The following MYL10 variants were observed in gnomAD, a reference collection of about 807,000 sequenced individuals.
MYL10 encodes the protein myosin light chain 10.
In MYL10, 18 loss-of-function variants were observed where a neutral mutation model predicts 21.9. That is an observed-to-expected ratio of 0.82 (90% CI 0.57 to 1.22). MYL10 has a LOEUF of 1.22. Ranked by LOEUF, MYL10 falls within the 50% of genes most tolerant of loss-of-function variation. The probability of loss-of-function intolerance (pLI) is 0.00; values close to 1 mark genes in which losing one functional copy is unlikely to be tolerated. For synonymous variants in MYL10, 88 were observed against 82.8 expected, an observed-to-expected ratio of 1.06 and a Z score of -0.34; for missense variants, 225 against 230.4, an observed-to-expected ratio of 0.98 and a Z score of 0.15.
rs755795349 is a variant in MYL10 at position 101,624,184 on chromosome 7, C to T, written c.159G>A (p.Gln53=). ...GCAGCAGACCAACCTCTTTAAACTC[C>T]TGGATCTGGGACTGATCAAACATGG... is the stretch of plus-strand genomic sequence containing the variant. The part of the protein sequence containing the change: ...VFSMFDQSQI[Q]EFKESLALSP... The change falls in exon 2 of 8, where the codon CAG becomes CAA. Residue 53 remains glutamine, a synonymous_variant. Transcript: ENST00000223167. 17 of 1,611,636 alleles carry T rather than the reference C, an allele frequency of 1.1e-5. No homozygotes were observed. Among genetic ancestry groups the T allele is most frequent in the Non-Finnish European group, 1.4e-5 (17 of 1,178,592 alleles).
At chr7:101,615,661 A>C (rs1796600813) in intron 6 of MYL10, among the ~76,000 whole-genome samples, 11 of 122,920 alleles carry the variant, frequency 8.9e-5, no homozygotes, top group African/African-American at 1.9e-4. Context: ...CACCCACCCC[A>C]CTAGGAAGCT....
Position 101,622,106 on chromosome 7 carries a change from C to T in MYL10, c.444G>A (p.Glu148=). 6.2e-7 allele frequency: 1 copy of T among 1,613,790 alleles called. No homozygotes were observed. Among genetic ancestry groups the T allele is most frequent in the Non-Finnish European group, 8.5e-7 (1 of 1,179,726 alleles). The change falls in exon 5 of 8, where the codon GAG becomes GAA. Residue 148 remains glutamate (E), a synonymous_variant. Transcript: ENST00000223167. ...NFTVFLTMFG[E]KLKGTDPEET... ...AGGAGCCTGGCTCACCCTTCAGCTT[C>T]TCCCCAAACATGGTCAGGAACACCG...
At chr7:101,621,919 G>T (rs574041768) in intron 5 of MYL10, among the ~76,000 whole-genome samples, 177 bp downstream of exon 5, 1 of 152,176 alleles carries the variant, frequency 6.6e-6, no homozygotes, top group Non-Finnish European at 1.5e-5. Context: ...CCCAGTCTGC[G>T]GTGAAGAGAG....
chr7:101,622,556 C>G (rs934682591), intron 4 of MYL10, among the ~76,000 whole-genome samples: 4 of 152,136 alleles, frequency 2.6e-5, no homozygotes, highest in African/African-American at 9.7e-5. Context: ...CCAGGGGACA[C>G]TCAGATTCCC....
intron 5 of MYL10, among the ~76,000 whole-genome samples, chr7:101,618,843 C>T (rs1372798218): frequency 6.6e-6 from 1 of 152,246 alleles, no homozygotes; most frequent in African/African-American, 2.4e-5. Flanking sequence ...ACACCAGGCC[C>T]TGGATCACAG....
intron 5 of MYL10, among the ~76,000 whole-genome samples, chr7:101,620,058 A>G (rs1314351466): frequency 4.6e-5 from 7 of 152,108 alleles, no homozygotes; most frequent in Non-Finnish European, 1.0e-4. Flanking sequence ...GCGAGGGCTC[A>G]TGCCTATAAT....
chr7:101,623,147 G>A, intron 3 of MYL10, 75 bp from the exon 4 acceptor site: 1 of 1,381,072 alleles, frequency 7.2e-7, no homozygotes, highest in Non-Finnish European at 1.0e-6. Context: ...CCGTCCTCCT[G>A]CCGACTGCTG....
rs769799710 is a variant in MYL10, at chr7:101,613,723, G to A, written c.534-13C>T. ...TTTTTCTTTGATGCTGTTCAAGGGA[G>A]AGACACAGTCATGTTCAGGGAACGG... On this transcript the variant is annotated splice_polypyrimidine_tract_variant and intron_variant, in intron 6 of 7. Coordinates refer to ENST00000223167, the MANE Select transcript of MYL10 (RefSeq NM_138403.5). 17 of 1,613,908 alleles carry A rather than the reference G, an allele frequency of 1.1e-5. No individual in the cohort carries two copies. Among genetic ancestry groups the A allele is most frequent in the Admixed American group, 1.7e-5 (1 of 59,996 alleles).
chr7:101,619,246 C>T (rs1796647524), intron 5 of MYL10, among the ~76,000 whole-genome samples: 1 of 152,236 alleles, frequency 6.6e-6, no homozygotes, highest in Non-Finnish European at 1.5e-5. Flanking sequence ...CTCTCCCGGC[C>T]TCCTGGGCTT....
intron 5 of MYL10, among the ~76,000 whole-genome samples, chr7:101,619,501 A>G (rs546056557): frequency 5.3e-5 from 8 of 152,300 alleles, no homozygotes; most frequent in Admixed American, 1.3e-4. Context: ...ACAGCAGGTC[A>G]CGACCCATGA....
intron 5 of MYL10, among the ~76,000 whole-genome samples, chr7:101,618,383 C>T (rs879724868): frequency 6.6e-6 from 1 of 152,222 alleles, no homozygotes; most frequent in Non-Finnish European, 1.5e-5. Context: ...CACAGCCTCC[C>T]AGGTTTCACT....
In MYL10 at chr7:101,628,819, G is replaced by A. The variant is rs1334046877; in HGVS notation, c.78+222C>T. ...GCTGGCCTCAGGCCTTCAGCCCCGG[G>A]TACAGCTGATCCCCTGCCTTTGGGG... On this transcript the variant is annotated intron_variant, in intron 1 of 7. Transcript: ENST00000223167. Among the ~76,000 whole-genome samples the A allele has an allele frequency of 2.6e-5, 4 of 152,230 alleles. No homozygotes were observed. In the East Asian group the frequency reaches 7.7e-4, roughly 29 times the overall value.
Position 101,624,139 on chromosome 7 carries a change from C to T in MYL10, c.171+33G>A, listed in dbSNP as rs77240855. On this transcript the variant is annotated intron_variant, in intron 2 of 7. Transcript: ENST00000223167. ...AGCAACTGGCATGCATTCCAAGAATCCTCATAACAGCCCCATGGGGCAGCA... is the reference window on the plus strand; with the variant it reads ...AGCAACTGGCATGCATTCCAAGAATTCTCATAACAGCCCCATGGGGCAGCA... 12 of 1,400,314 alleles carry T rather than the reference C, an allele frequency of 8.6e-6. 1 individual carries two copies. In the South Asian group the frequency reaches 1.4e-4, roughly 16 times the overall value. 86.7% of individuals were successfully genotyped at this position (1,400,314 alleles called of 1,614,324 possible). A position where few individuals can be genotyped will look rare whatever the true frequency, so the allele number is the denominator to read the frequency against.
rs1397713958 is a variant in MYL10 at position 101,629,167 on chromosome 7, T to C, written c.-49A>G. On this transcript the variant is annotated 5_prime_UTR_variant, in exon 1 of 8. An upstream open reading frame in the 5' UTR loses its in-frame stop. Coordinates refer to ENST00000223167, the MANE Select transcript of MYL10 (RefSeq NM_138403.5). ...AAATTTTTTTTAATTAAAAAATTAG[T>C]CAGGCATAGTGGTGAAGTGAAAAAG... 2 of 332,846 alleles carry C rather than the reference T, an allele frequency of 6.0e-6. No homozygotes were observed. Among genetic ancestry groups the C allele is most frequent in the South Asian group, 4.5e-5 (2 of 44,530 alleles). The allele number at this position is 332,846 out of a possible 1,614,324, so 20.6% of individuals were successfully genotyped here. A position where few individuals can be genotyped will look rare whatever the true frequency, so the allele number is the denominator to read the frequency against.
chr7:101,616,811 T>C (rs1315245889), intron 5 of MYL10, among the ~76,000 whole-genome samples: 7 of 152,072 alleles, frequency 4.6e-5, no homozygotes, highest in Admixed American at 4.6e-4. Flanking sequence ...CAGTGTGGCA[T>C]TGGAGGGGTC....
At chr7:101,622,317 G>T in intron 4 of MYL10, 117 bp from the exon 5 acceptor site, 1 of 699,752 alleles carries the variant, frequency 1.4e-6, no homozygotes, top group Non-Finnish European at 2.3e-6. Flanking sequence ...TCAGCCCTAA[G>T]GCCCTGACGC....
intron 5 of MYL10, among the ~76,000 whole-genome samples, chr7:101,618,541 T>G (rs1041005985): frequency 1.3e-5 from 2 of 152,114 alleles, no homozygotes; most frequent in African/African-American, 2.4e-5. Flanking sequence ...TGGCTGGCAG[T>G]CCTCCCTTCT....
At chr7:101,623,760 G>A (rs1796709398) in intron 3 of MYL10, among the ~76,000 whole-genome samples, 160 bp downstream of exon 3, 1 of 151,380 alleles carries the variant, frequency 6.6e-6, no homozygotes. Flanking sequence ...GGGCACTGTG[G>A]CTCACGTCTG....
chr7:101,626,709 C>T (rs1306252001), intron 1 of MYL10, among the ~76,000 whole-genome samples: 1 of 152,158 alleles, frequency 6.6e-6, no homozygotes, highest in African/African-American at 2.4e-5. Context: ...AGAGCCACTG[C>T]CCCTGTGAAG....
Sources: gnomAD v4.1 joint callset for allele counts (sites outside exome capture counted in the v4.1 genomes callset) on GRCh38, gnomAD v4.1.1 for gene constraint, MANE v1.5 for transcripts, NCBI Gene and HGNC (gene_info 2026-07-23, HGNC 2026-07-21) for gene names.